Variants in MAGI2 observed in about 807,000 individuals in gnomAD.
The protein encoded by MAGI2 is membrane associated guanylate kinase, WW and PDZ domain containing 2, also known as membrane-associated guanylate kinase, WW and PDZ domain-containing protein 2.
A neutral mutation model predicts 133.3 loss-of-function variants in MAGI2; 35 were observed. The observed-to-expected ratio is 0.26, with a 90% CI of 0.20 to 0.35. The LOEUF (loss-of-function observed/expected upper bound fraction) is 0.35. Ranked by LOEUF, MAGI2 falls within the 10% of genes least tolerant of loss-of-function variation. The probability of loss-of-function intolerance (pLI) is 1.00; values close to 1 mark genes in which losing one functional copy is unlikely to be tolerated. For synonymous variants in MAGI2, 729 were observed against 710.6 expected (o/e 1.03, Z -0.41); for missense variants, 1,636 against 1,863.4 (o/e 0.88, Z 2.25).
chr7:78,371,717 T>C (rs752699651), intron 6 of MAGI2, among the ~76,000 whole-genome samples: 4 of 152,032 alleles, frequency 2.6e-5, no homozygotes, highest in Non-Finnish European at 5.9e-5. Flanking sequence ...GCAGTCCTCA[T>C]CAGAATTTAG....
chr7:79,358,495 G>A (rs1182495005), intron 1 of MAGI2, among the ~76,000 whole-genome samples: 2 of 152,044 alleles, frequency 1.3e-5, no homozygotes, highest in Admixed American at 6.6e-5. Flanking sequence ...ATAGATAAAA[G>A]GTTCTGAAAA....
At chr7:79,353,389 T>C in intron 1 of MAGI2, 2 of 449,608 alleles carry the variant, frequency 4.4e-6, no homozygotes, top group South Asian at 3.1e-5. Flanking sequence ...GGCTGTGGCA[T>C]CTTCTCCCAG....
At chr7:78,628,886 A>G (rs1808657188) in intron 2 of MAGI2, among the ~76,000 whole-genome samples, 1 of 151,392 alleles carries the variant, frequency 6.6e-6, no homozygotes, top group Non-Finnish European at 1.5e-5. Context: ...GGTTTTTGGC[A>G]ATCAATTTGT....
At position 78,969,717 on chromosome 7, in the gene MAGI2, G is replaced by A. The variant is rs558019953; in HGVS notation, c.418+37373C>T. Among the ~76,000 whole-genome samples, 353 of 151,978 alleles carry A rather than the reference G, an allele frequency of 2.3e-3. 2 individuals are homozygous for A. The highest frequency in any genetic ancestry group is 8.1e-3 in the African/African-American group (334 of 41,476). ...GTGCAGTAGGGTTCTCATTTAACACGTTAAATGATTTAGAAAAAGCAGTTG... is the reference window on the plus strand; with the variant it reads ...GTGCAGTAGGGTTCTCATTTAACACATTAAATGATTTAGAAAAAGCAGTTG... On this transcript the variant is annotated intron_variant, in intron 2 of 21. Transcript: ENST00000354212.
At chr7:79,389,568 T>A (rs1004485486) in intron 1 of MAGI2, among the ~76,000 whole-genome samples, 1 of 152,166 alleles carries the variant, frequency 6.6e-6, no homozygotes, top group African/African-American at 2.4e-5. Context: ...TATTCTATTT[T>A]AAAAGTTACA....
intron 21 of MAGI2, among the ~76,000 whole-genome samples, chr7:78,042,880 G>A (rs1333099892): frequency 6.6e-6 from 1 of 152,170 alleles, no homozygotes; most frequent in East Asian, 1.9e-4. Flanking sequence ...TGATACAATT[G>A]CCAGACCCCA....
intron 2 of MAGI2, among the ~76,000 whole-genome samples, chr7:78,814,448 T>G (rs892075273): frequency 4.6e-5 from 7 of 152,240 alleles, no homozygotes; most frequent in Admixed American, 4.6e-4. Flanking sequence ...ATAAGCCTTC[T>G]GAGCTTCAGT....
intron 3 of MAGI2, among the ~76,000 whole-genome samples, chr7:78,624,382 T>G (rs1273127700): frequency 6.6e-6 from 1 of 152,120 alleles, no homozygotes; most frequent in Non-Finnish European, 1.5e-5. Flanking sequence ...ACGAAACATT[T>G]ACCCATGCCT....
chr7:78,168,336 C>G (rs1340924372), intron 14 of MAGI2, among the ~76,000 whole-genome samples: 2 of 152,090 alleles, frequency 1.3e-5, no homozygotes, highest in Admixed American at 1.3e-4. Context: ...GCCCTCAAAT[C>G]TGAGCATGCA....
At chr7:78,687,038 A>G (rs1816397788) in intron 2 of MAGI2, among the ~76,000 whole-genome samples, 1 of 152,198 alleles carries the variant, frequency 6.6e-6, no homozygotes, top group Admixed American at 6.5e-5. Context: ...AGCGCATTGC[A>G]TTAGAGTTTA....
intron 2 of MAGI2, among the ~76,000 whole-genome samples, chr7:78,889,423 A>G (rs1396200559): frequency 6.6e-6 from 1 of 152,210 alleles, no homozygotes; most frequent in East Asian, 1.9e-4. Flanking sequence ...AAGACACATA[A>G]TTGTCAGATT....
At chr7:78,739,515 A>G (rs1247285003) in intron 2 of MAGI2, among the ~76,000 whole-genome samples, 3 of 152,220 alleles carry the variant, frequency 2.0e-5, no homozygotes, top group African/African-American at 7.2e-5. Context: ...AGATAGATCA[A>G]CAGAGAAGTC....
At chr7:79,315,420 C>A (rs752243596) in intron 1 of MAGI2, among the ~76,000 whole-genome samples, 1 of 151,324 alleles carries the variant, frequency 6.6e-6, no homozygotes, top group Non-Finnish European at 1.5e-5. Flanking sequence ...GGTGATCCAC[C>A]CGCCTCAGCC....
At chr7:78,699,055 G>A (rs1817800531) in intron 2 of MAGI2, among the ~76,000 whole-genome samples, 1 of 152,160 alleles carries the variant, frequency 6.6e-6, no homozygotes, top group Non-Finnish European at 1.5e-5. Context: ...GATTGTCCAC[G>A]TGGGTGACTG....
At chr7:78,664,658 G>C (rs146394920) in intron 2 of MAGI2, among the ~76,000 whole-genome samples, 52 of 151,872 alleles carry the variant, frequency 3.4e-4, no homozygotes, top group African/African-American at 1.2e-3. Flanking sequence ...TGCATTGTCA[G>C]TGTTAGTACC....
At chr7:79,292,486 G>A (rs1836565074) in intron 1 of MAGI2, among the ~76,000 whole-genome samples, 1 of 151,296 alleles carries the variant, frequency 6.6e-6, no homozygotes, top group Non-Finnish European at 1.5e-5. Flanking sequence ...TAAAAAATTA[G>A]CCAGGTCTGG....
At chr7:78,868,922 T>C (rs919988016) in intron 2 of MAGI2, among the ~76,000 whole-genome samples, 3 of 151,960 alleles carry the variant, frequency 2.0e-5, no homozygotes, top group African/African-American at 7.3e-5. Context: ...CCCGGCTAAT[T>C]TTTTGTATTT....
At chr7:78,643,110 A>G (rs1422196327) in intron 2 of MAGI2, among the ~76,000 whole-genome samples, 2 of 152,232 alleles carry the variant, frequency 1.3e-5, no homozygotes, top group Non-Finnish European at 2.9e-5. Flanking sequence ...TACCAAAATA[A>G]CACAAGTACC....
chr7:78,265,992 G>T (rs961100788), intron 9 of MAGI2, among the ~76,000 whole-genome samples: 10 of 152,128 alleles, frequency 6.6e-5, no homozygotes, highest in African/African-American at 2.4e-4. Context: ...TACTCTACCC[G>T]CAACTGTCAA....
Sources: allele counts gnomAD v4.1 joint callset (sites outside exome capture counted in the v4.1 genomes callset), GRCh38; gene constraint gnomAD v4.1.1; transcripts MANE v1.5; gene names NCBI Gene and HGNC (gene_info 2026-07-23, HGNC 2026-07-21).